GCNT2: variants seen among roughly 807,000 people sequenced by gnomAD.
GCNT2 encodes the protein glucosaminyl (N-acetyl) transferase 2 (I blood group).
Under a neutral mutation model 34.2 loss-of-function variants are expected in GCNT2, and 34 were observed. The ratio of observed to expected loss-of-function variants is 1.00; its 90% CI spans 0.76 to 1.32. The LOEUF (loss-of-function observed/expected upper bound fraction) is 1.32, where lower values mean the gene tolerates loss of function less well. Among genes scored for constraint, GCNT2 ranks in the 40% most tolerant of loss-of-function variants. The pLI, the probability that GCNT2 is intolerant of heterozygous loss-of-function variation, is 0.00. For missense variants in GCNT2, 584 were observed against 489.4 expected, an observed-to-expected ratio of 1.19 and a Z score of -1.82; for synonymous variants, 212 against 188.0, an observed-to-expected ratio of 1.13 and a Z score of -1.04.
chr6:10,572,316 T>C (rs1763587763), intron 3 of GCNT2, among the ~76,000 whole-genome samples: 1 of 152,198 alleles, frequency 6.6e-6, no homozygotes, highest in African/African-American at 2.4e-5. Context: ...AAAGCTACAA[T>C]ATTAGCCCTG....
chr6:10,564,753 T>C (rs1763201413), intron 3 of GCNT2, among the ~76,000 whole-genome samples: 1 of 150,672 alleles, frequency 6.6e-6, no homozygotes. Flanking sequence ...AAATGAGTTA[T>C]TGTTATTGTA....
chr6:10,576,964 CAGCTACAGG>C (rs1477246378), intron 3 of GCNT2, among the ~76,000 whole-genome samples: 1 of 152,132 alleles, frequency 6.6e-6, no homozygotes, highest in Non-Finnish European at 1.5e-5. Context: ...CCTGTAGTCT[CAGCTACAGG>C]AGGCTGAAGT....
chr6:10,547,510 A>G (rs887561931), intron 3 of GCNT2, among the ~76,000 whole-genome samples: 1 of 152,230 alleles, frequency 6.6e-6, no homozygotes, highest in Admixed American at 6.5e-5. Context: ...AATTTAGGTT[A>G]TACCTTTTGG....
intron 3 of GCNT2, among the ~76,000 whole-genome samples, chr6:10,605,948 T>C (rs551952475): frequency 6.6e-6 from 1 of 152,274 alleles, no homozygotes; most frequent in Admixed American, 6.5e-5. Context: ...GATCTCTCCT[T>C]CTCTGATGGG....
At chr6:10,602,984 C>A (rs1765145319) in intron 3 of GCNT2, among the ~76,000 whole-genome samples, 1 of 152,186 alleles carries the variant, frequency 6.6e-6, no homozygotes, top group Non-Finnish European at 1.5e-5. Context: ...CTAGGAAATG[C>A]CACCTGAAAT....
At chr6:10,564,368 G>C (rs906962678) in intron 3 of GCNT2, among the ~76,000 whole-genome samples, 1 of 152,140 alleles carries the variant, frequency 6.6e-6, no homozygotes, top group Admixed American at 6.5e-5. Flanking sequence ...CTCTGAATTT[G>C]ACACCATTCT....
chr6:10,579,191 C>T (rs570833499), intron 3 of GCNT2, among the ~76,000 whole-genome samples: 6 of 152,264 alleles, frequency 3.9e-5, no homozygotes, highest in Admixed American at 6.5e-5. Flanking sequence ...TTATAGGCTA[C>T]CTCTTCACAA....
chr6:10,543,437 T>C (rs632460), intron 3 of GCNT2, among the ~76,000 whole-genome samples: 32,195 of 151,290 alleles, frequency 0.21, 5,144 homozygotes, highest in African/African-American at 0.45. Context: ...ATGATCCACC[T>C]GCCTCGGCCT....
At chr6:10,589,730 G>A (rs1465227798) in intron 3 of GCNT2, among the ~76,000 whole-genome samples, 2 of 152,084 alleles carry the variant, frequency 1.3e-5, no homozygotes, top group Admixed American at 1.3e-4. Flanking sequence ...CTTTCCAGAG[G>A]TACTTTATTA....
At chr6:10,594,632 T>C (rs1463849021) in intron 3 of GCNT2, among the ~76,000 whole-genome samples, 2 of 152,218 alleles carry the variant, frequency 1.3e-5, no homozygotes, top group African/African-American at 4.8e-5. Context: ...GTTTATCCAC[T>C]TATTAATGTG....
chr6:10,606,675 T>TGGAAATCTCCATTAA (rs1765331154), intron 3 of GCNT2, among the ~76,000 whole-genome samples: 1 of 149,492 alleles, frequency 6.7e-6, no homozygotes, highest in African/African-American at 2.5e-5. Flanking sequence ...AGAAATTTAA[T>TGGAAATCTCCATTAA]AGTGGTTGAG....
chr6:10,564,987 TG>T (rs1398440096), intron 3 of GCNT2, among the ~76,000 whole-genome samples: 2 of 152,180 alleles, frequency 1.3e-5, no homozygotes, highest in Non-Finnish European at 2.9e-5. Flanking sequence ...AGCAACCTAC[TG>T]TAGATGAAAT....
intron 3 of GCNT2, among the ~76,000 whole-genome samples, chr6:10,618,613 C>G (rs574246851): frequency 6.6e-6 from 1 of 152,316 alleles, no homozygotes; most frequent in South Asian, 2.1e-4. Context: ...AACACGTCAG[C>G]TAAGCACACA....
chr6:10,539,275 T>C (rs1161350734), intron 3 of GCNT2, among the ~76,000 whole-genome samples: 1 of 142,668 alleles, frequency 7.0e-6, no homozygotes, highest in African/African-American at 2.6e-5. Flanking sequence ...CTGCAACCTC[T>C]GCCTCCTGGG....
At chr6:10,602,127 T>A (rs765866539) in intron 3 of GCNT2, among the ~76,000 whole-genome samples, 1 of 152,190 alleles carries the variant, frequency 6.6e-6, no homozygotes, top group Admixed American at 6.5e-5. Flanking sequence ...TATTTAAATA[T>A]TACATTTCTG....
At chr6:10,530,749 C>T (rs940328700) in intron 3 of GCNT2, among the ~76,000 whole-genome samples, 2 of 151,786 alleles carry the variant, frequency 1.3e-5, no homozygotes, top group East Asian at 1.9e-4. Context: ...ACAAAAAAAC[C>T]TTATTGCACC....
At position 10,537,698 on chromosome 6, in the gene GCNT2, CAAAAAAAAAAAA is replaced by C. The variant is rs201257236; in HGVS notation, c.925+7879_925+7890del. Among the ~76,000 whole-genome samples, 408 of 83,172 alleles carry C rather than the reference CAAAAAAAAAAAA, an allele frequency of 4.9e-3. 7 individuals are homozygous for C. The highest frequency in any genetic ancestry group is 0.017 in the South Asian group (52 of 3,114). The allele number at this position is 83,172 out of a possible 152,430, so 54.6% of individuals were successfully genotyped here. On this transcript the variant is annotated intron_variant, in intron 3 of 4. Coordinates refer to ENST00000495262, the MANE Select transcript of GCNT2 (RefSeq NM_145649.5). ...CCTGGGCAAGAGGGAGATTCTGCCG[CAAAAAAAAAAAA>C]AAAAAAAAAAAAAAAACAAAACAAA...
At chr6:10,578,435 A>T (rs1581435294) in intron 3 of GCNT2, among the ~76,000 whole-genome samples, 2 of 136,920 alleles carry the variant, frequency 1.5e-5, no homozygotes, top group South Asian at 2.3e-4. Context: ...GTCTTCATGG[A>T]GCTTACATTC....
chr6:10,597,125 T>G (rs920917756), intron 3 of GCNT2, among the ~76,000 whole-genome samples: 1 of 151,454 alleles, frequency 6.6e-6, no homozygotes, highest in Non-Finnish European at 1.5e-5. Context: ...TTAAGGTGTT[T>G]GAGAATTTAT....
Sources: gnomAD v4.1 joint callset for allele counts (sites outside exome capture counted in the v4.1 genomes callset) on GRCh38, gnomAD v4.1.1 for gene constraint, MANE v1.5 for transcripts, NCBI Gene and HGNC (gene_info 2026-07-23, HGNC 2026-07-21) for gene names.